BICD1: variants seen among roughly 807,000 people sequenced by gnomAD.
The protein encoded by BICD1 is protein bicaudal D homolog 1.
Under a neutral mutation model 92.5 loss-of-function variants are expected in BICD1, and 35 were observed. The ratio of observed to expected loss-of-function variants is 0.38; its 90% CI spans 0.29 to 0.50. The LOEUF is 0.50. BICD1 is among the 20% of genes least tolerant of loss of function. The pLI is 0.93. For synonymous variants in BICD1, 429 were observed against 465.1 expected (o/e 0.92, Z 1.00); for missense variants, 950 against 1,189.8 (o/e 0.80, Z 2.97).
chr12:32,155,056 G>C (rs1365583972), intron 1 of BICD1, among the ~76,000 whole-genome samples: 2 of 151,006 alleles, frequency 1.3e-5, no homozygotes, highest in Non-Finnish European at 3.0e-5. Flanking sequence ...AGTAAGTTGT[G>C]GTTTTAAAAA....
At chr12:32,273,018 G>A (rs1186301537) in intron 2 of BICD1, among the ~76,000 whole-genome samples, 3 of 152,204 alleles carry the variant, frequency 2.0e-5, no homozygotes, top group Non-Finnish European at 4.4e-5. Flanking sequence ...TTGCTCTGGA[G>A]TGTGTGAAGA....
intron 1 of BICD1, among the ~76,000 whole-genome samples, chr12:32,116,462 GTCTCTCTCTC>G (rs1173406919): frequency 1.1e-5 from 1 of 91,650 alleles, no homozygotes; most frequent in Non-Finnish European, 2.1e-5. Context: ...CTGTCTGTCT[GTCTCTCTCTC>G]TCTCTCTCTC....
At chr12:32,320,998 T>G (rs1028425715) in intron 4 of BICD1, among the ~76,000 whole-genome samples, 29 of 152,298 alleles carry the variant, frequency 1.9e-4, no homozygotes, top group African/African-American at 7.0e-4. Context: ...AGCTTTAAAG[T>G]GCTTTGCATG....
intron 8 of BICD1, among the ~76,000 whole-genome samples, chr12:32,342,470 G>C (rs1387582963): frequency 2.0e-5 from 3 of 151,708 alleles, no homozygotes; most frequent in Non-Finnish European, 4.4e-5. Flanking sequence ...TAGCCAGGAT[G>C]GTCTCAATCT....
chr12:32,149,208 A>G (rs896142551), intron 1 of BICD1, among the ~76,000 whole-genome samples: 2 of 152,126 alleles, frequency 1.3e-5, no homozygotes, highest in Non-Finnish European at 2.9e-5. Context: ...TGATGCTCCT[A>G]AAGACATACT....
chr12:32,330,956 G>A (rs1398762324), intron 5 of BICD1, among the ~76,000 whole-genome samples: 2 of 152,170 alleles, frequency 1.3e-5, no homozygotes, highest in African/African-American at 4.8e-5. Context: ...CCAACATGGA[G>A]AAACACCGTC....
chr12:32,160,337 G>A (rs1943563491), intron 1 of BICD1, among the ~76,000 whole-genome samples: 1 of 152,218 alleles, frequency 6.6e-6, no homozygotes, highest in Non-Finnish European at 1.5e-5. Context: ...TCTCCAGGTT[G>A]TTAAGAAAAG....
chr12:32,293,996 C>A lies in BICD1; in HGVS notation c.429C>A (p.Asn143Lys). 1 of 1,612,152 alleles carries A rather than the reference C, an allele frequency of 6.2e-7. No individual in the cohort carries two copies. The highest frequency in any genetic ancestry group is 2.2e-5 in the East Asian group (1 of 44,816). The change falls in exon 3 of 10, where the codon AAC becomes AAA. Residue 143 changes from asparagine to lysine, a missense_variant and splice_region_variant. Physicochemically the swap from Asn to Lys is moderately conservative, Grantham distance 94. Transcript: ENST00000652176. ...GACTGTTTACTCTGTTGTTTCAGAACAATGAGATGGTGGAGCTACAGAGAA... is the reference window on the plus strand; with the variant it reads ...GACTGTTTACTCTGTTGTTTCAGAAAAATGAGATGGTGGAGCTACAGAGAA... ...LTAVVQDLKENNEMVELQRIR... is the reference protein window; with the variant it reads ...LTAVVQDLKEKNEMVELQRIR...
At chr12:32,321,137 T>C (rs917477587) in intron 4 of BICD1, among the ~76,000 whole-genome samples, 4 of 151,822 alleles carry the variant, frequency 2.6e-5, no homozygotes, top group Non-Finnish European at 5.9e-5. Context: ...ATGAGCCTGG[T>C]CAACATGGTG....
rs372681589 is a variant in BICD1 at position 32,275,696 on chromosome 12, C to T, written c.427-18298C>T. 4.0e-5 allele frequency among the ~76,000 whole-genome samples: 6 copies of T among 150,778 alleles called. No individual in the cohort carries two copies. In the East Asian group the frequency reaches 7.7e-4, roughly 19 times the overall value. On this transcript the variant is annotated intron_variant, in intron 2 of 9. Transcript: ENST00000652176. ...CAGACCCGCCGCTGATTCCCATCGCCGCTGACTCCCATCCCTCCAGATCCG... is the reference window on the plus strand; with the variant it reads ...CAGACCCGCCGCTGATTCCCATCGCTGCTGACTCCCATCCCTCCAGATCCG...
At chr12:32,230,912 A>G (rs577092445) in intron 2 of BICD1, among the ~76,000 whole-genome samples, 77 of 152,240 alleles carry the variant, frequency 5.1e-4, no homozygotes, top group Non-Finnish European at 8.5e-4. Flanking sequence ...TCATAGAACC[A>G]GTGAATATTG....
intron 1 of BICD1, among the ~76,000 whole-genome samples, chr12:32,149,147 T>C (rs900077104): frequency 1.3e-5 from 2 of 152,198 alleles, no homozygotes; most frequent in Non-Finnish European, 2.9e-5. Context: ...TGTGCTGAAC[T>C]GCATGGGATA....
chr12:32,271,296 A>G (rs11051891), intron 2 of BICD1, among the ~76,000 whole-genome samples: 24,411 of 152,110 alleles, frequency 0.16, 2,215 homozygotes, highest in African/African-American at 0.25. Context: ...GGAGGCCCCC[A>G]AAATGAGGCG....
chr12:32,340,370 T>A, intron 8 of BICD1: 1 of 985,434 alleles, frequency 1.0e-6, no homozygotes, highest in Non-Finnish European at 1.2e-6. Flanking sequence ...GTTTTAGACC[T>A]CCTTGGAAGG....
chr12:32,180,437 A>AT (rs1944238220), intron 1 of BICD1, among the ~76,000 whole-genome samples: 1 of 151,804 alleles, frequency 6.6e-6, no homozygotes. Context: ...GATTAGGCCT[A>AT]TTTTTTGGCA....
chr12:32,151,814 A>G (rs1351043659), intron 1 of BICD1, among the ~76,000 whole-genome samples: 2 of 152,156 alleles, frequency 1.3e-5, no homozygotes, highest in African/African-American at 4.8e-5. Flanking sequence ...CTGCCTGCAC[A>G]TCTGCTTCTT....
chr12:32,349,587 G>A (rs1407154129), intron 8 of BICD1, among the ~76,000 whole-genome samples: 6 of 151,942 alleles, frequency 3.9e-5, no homozygotes, highest in African/African-American at 1.5e-4. Flanking sequence ...TAAAATCTAC[G>A]CTTCTAAATA....
intron 2 of BICD1, among the ~76,000 whole-genome samples, chr12:32,245,977 C>T (rs1387363899): frequency 8.0e-6 from 1 of 125,588 alleles, no homozygotes; most frequent in East Asian, 2.5e-4. Context: ...TTGCAGTGAG[C>T]CGAGATCGTG....
chr12:32,140,683 TTTACAGGAA>T (rs1419091336), intron 1 of BICD1, among the ~76,000 whole-genome samples: 3 of 152,190 alleles, frequency 2.0e-5, no homozygotes, highest in Non-Finnish European at 4.4e-5. Context: ...TGATTCTGTG[TTTACAGGAA>T]CTGTGTCTGT....
Sources: gnomAD v4.1 joint callset for allele counts (sites outside exome capture counted in the v4.1 genomes callset) on GRCh38, gnomAD v4.1.1 for gene constraint, MANE v1.5 for transcripts, NCBI Gene and HGNC (gene_info 2026-07-23, HGNC 2026-07-21) for gene names.